LY75: variants seen among roughly 807,000 people sequenced by gnomAD.
LY75 encodes the protein C-type lectin domain family 13 member B.
LY75 carries 185 observed loss-of-function variants against 231.7 expected under a neutral mutation model. The ratio of observed to expected loss-of-function variants is 0.80; its 90% CI spans 0.71 to 0.90. LY75 has a LOEUF of 0.90. Among genes scored for constraint, LY75 ranks in the 40% least tolerant of loss-of-function variants. LY75 has a pLI of 0.00. For missense variants in LY75, 1,947 were observed against 2,050.2 expected (o/e 0.95, Z 0.97); for synonymous variants, 668 against 689.0 (o/e 0.97, Z 0.48).
chr2:159,886,548 T>C lies in LY75; in HGVS notation c.803-18A>G, dbSNP rs531540797. On this transcript the variant is annotated intron_variant, in intron 4 of 34. Transcript: ENST00000263636. The stretch of plus-strand genomic sequence containing the variant: ...TTCTTTTTCTGTAAGAATTAAAAAA[T>C]TTTTAAAAAGTGACAAAGTTGCCTA... The C allele has an allele frequency of 1.2e-5, 19 of 1,574,268 alleles. No individual in the cohort carries two copies. The African/African-American group carries it at 1.5e-4, about 12-fold the overall frequency.
At chr2:159,885,947 A>G (rs1175287664) in intron 5 of LY75, among the ~76,000 whole-genome samples, 2 of 152,172 alleles carry the variant, frequency 1.3e-5, no homozygotes, top group African/African-American at 4.8e-5. Context: ...TTTATTCCCT[A>G]AAAGACTTTC....
chr2:159,848,105 TACAC>T (rs1412333259), intron 23 of LY75, among the ~76,000 whole-genome samples: 3 of 133,312 alleles, frequency 2.3e-5, no homozygotes, highest in Admixed American at 1.6e-4. Flanking sequence ...CACACACACA[TACAC>T]ACACCATATA....
chr2:159,810,560 A>C lies in LY75; in HGVS notation c.4665T>G (p.Ser1555Arg). ...AACACAATTTTTTGGCCTCTGAAAAACTGTGCAATGCCTGATCAGACTTGT... is the reference window on the plus strand; with the variant it reads ...AACACAATTTTTTGGCCTCTGAAAACCTGTGCAATGCCTGATCAGACTTGT... ...HCYKSDQALH[S>R]FSEAKKLCSK... Residue 1555 changes from serine (S) to arginine (R), a missense_variant, in exon 32 of 35, where the codon AGT becomes AGG. Coordinates refer to ENST00000263636, the MANE Select transcript of LY75 (RefSeq NM_002349.4). 1 of 1,613,712 alleles carries C rather than the reference A, an allele frequency of 6.2e-7. No individual in the cohort carries two copies. The highest frequency in any genetic ancestry group is 8.5e-7 in the Non-Finnish European group (1 of 1,179,872).
In LY75 at chr2:159,804,810, C is replaced by A; in HGVS notation, c.*234G>T. 2.9e-6 allele frequency: 1 copy of A among 347,392 alleles called. No individual in the cohort carries two copies. Among genetic ancestry groups the A allele is most frequent in the Non-Finnish European group, 5.4e-6 (1 of 185,510 alleles). The allele number at this position is 347,392 out of a possible 1,614,324, so 21.5% of individuals were successfully genotyped here. Reference sequence around the variant, plus strand: ...AACATTAAACATATTACTGTACAAACAATTTGGACTTCAGTTCCAGCTTTG... The same window carrying A: ...AACATTAAACATATTACTGTACAAAAAATTTGGACTTCAGTTCCAGCTTTG... On this transcript the variant is annotated 3_prime_UTR_variant, in exon 35 of 35. Coordinates refer to ENST00000263636, the MANE Select transcript of LY75 (RefSeq NM_002349.4).
intron 14 of LY75, among the ~76,000 whole-genome samples, chr2:159,862,668 ATTTAT>A (rs148892921): frequency 0.4 from 61,256 of 151,460 alleles, 13,002 homozygotes; most frequent in South Asian, 0.67. Context: ...ACGTGAATGT[ATTTAT>A]TTTATTTTTT....
At position 159,881,133 on chromosome 2, in the gene LY75, G is replaced by C; in HGVS notation, c.1354C>G (p.Pro452Ala). 6.2e-7 allele frequency: 1 copy of C among 1,613,784 alleles called. No individual in the cohort carries two copies. Among genetic ancestry groups the C allele is most frequent in the Middle Eastern group, 1.7e-4 (1 of 6,060 alleles). ...VTLTYWDENE[P>A]NVPYNKTPNC... The stretch of plus-strand genomic sequence containing the variant: ...GGCGTCTTATTGTAGGGAACATTTG[G>C]CTCATTCTCATCCCAATATGTTAGA... The change falls in exon 8 of 35, where the codon CCA becomes GCA. Residue 452 changes from proline to alanine, a missense_variant. Transcript: ENST00000263636.
intron 28 of LY75, among the ~76,000 whole-genome samples, chr2:159,823,447 T>C (rs11901223): frequency 0.041 from 6,284 of 152,264 alleles, 405 homozygotes; most frequent in African/African-American, 0.14. Flanking sequence ...TATGGGACTA[T>C]GTGAAAAGAC....
chr2:159,816,791 C>T lies in LY75; in HGVS notation c.4380+15G>A, dbSNP rs775098238. On this transcript the variant is annotated intron_variant, in intron 30 of 34. Coordinates refer to ENST00000263636, the MANE Select transcript of LY75 (RefSeq NM_002349.4). Reference sequence around the variant, plus strand: ...ACACATTTGAAAAGTTTCTGGAAAACGAAGCAAGACTTACATCATGACTTG... The same window carrying T: ...ACACATTTGAAAAGTTTCTGGAAAATGAAGCAAGACTTACATCATGACTTG... 8.0e-5 allele frequency: 128 copies of T among 1,606,350 alleles called. No homozygotes were observed. The highest frequency in any genetic ancestry group is 5.1e-4 in the Admixed American group (30 of 58,676).
chr2:159,851,662 G>A (rs1684405166), intron 21 of LY75, among the ~76,000 whole-genome samples: 1 of 152,046 alleles, frequency 6.6e-6, no homozygotes, highest in South Asian at 2.1e-4. Context: ...ATACCAACAT[G>A]GATTATGCAT....
chr2:159,817,165 AT>A, intron 29 of LY75, 133 bp from the exon 30 acceptor site: 1 of 971,242 alleles, frequency 1.0e-6, no homozygotes, highest in Non-Finnish European at 1.4e-6. Flanking sequence ...TCAAATGTAT[AT>A]TTTATTTTTC....
In LY75 at chr2:159,810,511, C is replaced by A; in HGVS notation, c.4699+15G>T. ...AATTATTGAGTCATAAGAAAATCAACAAATTTTAACTCACCATGTTTTGAA... is the reference window on the plus strand; with the variant it reads ...AATTATTGAGTCATAAGAAAATCAAAAAATTTTAACTCACCATGTTTTGAA... On this transcript the variant is annotated intron_variant, in intron 32 of 34. Coordinates refer to ENST00000263636, the MANE Select transcript of LY75 (RefSeq NM_002349.4). 1 of 1,602,184 alleles carries A rather than the reference C, an allele frequency of 6.2e-7. No homozygotes were observed.
At position 159,805,084 on chromosome 2, in the gene LY75, A is replaced by T; in HGVS notation, c.5129T>A (p.Val1710Glu). 1 of 1,614,054 alleles carries T rather than the reference A, an allele frequency of 6.2e-7. No individual in the cohort carries two copies. The highest frequency in any genetic ancestry group is 8.5e-7 in the Non-Finnish European group (1 of 1,179,962). Residue 1710 changes from valine (V) to glutamate (E), a missense_variant, in exon 35 of 35, where the codon GTG becomes GAG. Physicochemically the swap from Val to Glu is moderately radical, Grantham distance 121 (BLOSUM62 -2). Transcript: ENST00000263636. ...AGGAAGCATAATCTCATCTTCATTC[A>T]CTCCTTGTGCATATCGAACTGATGA... ...GFSSVRYAQG[V>E]NEDEIMLPSF...
chr2:159,810,738 T>G, intron 31 of LY75, 63 bp from the exon 32 acceptor site: 1 of 1,587,572 alleles, frequency 6.3e-7, no homozygotes, highest in Admixed American at 1.8e-5. Context: ...TTTCAAAATC[T>G]ACTTCAATGT....
At chr2:159,880,558 G>C (rs980403826) in intron 8 of LY75, among the ~76,000 whole-genome samples, 1 of 152,212 alleles carries the variant, frequency 6.6e-6, no homozygotes, top group Non-Finnish European at 1.5e-5. Flanking sequence ...GGGATTCTCT[G>C]TATCTGTTTG....
intron 3 of LY75, among the ~76,000 whole-genome samples, chr2:159,891,812 C>G (rs931569188): frequency 1.3e-5 from 2 of 152,224 alleles, no homozygotes; most frequent in Non-Finnish European, 2.9e-5. Context: ...TTTCACTGAT[C>G]TGGGCCTTCT....
intron 25 of LY75, among the ~76,000 whole-genome samples, chr2:159,836,429 C>T (rs557512010): frequency 1.3e-5 from 2 of 152,232 alleles, no homozygotes; most frequent in South Asian, 4.1e-4. Flanking sequence ...TGCCTTTACA[C>T]CCTGCCAAGG....
intron 14 of LY75, among the ~76,000 whole-genome samples, chr2:159,864,355 G>A (rs749050433): frequency 6.6e-6 from 1 of 152,074 alleles, no homozygotes; most frequent in Non-Finnish European, 1.5e-5. Flanking sequence ...TTTTCTCCTA[G>A]TAGTTTCATA....
intron 28 of LY75, 141 bp downstream of exon 28, chr2:159,831,529 G>A (rs1041114422): frequency 1.1e-6 from 1 of 871,688 alleles, no homozygotes; most frequent in Non-Finnish European, 1.8e-6. Context: ...AAACTGTCTT[G>A]GTATTTATGT....
chr2:159,853,783 C>A, intron 18 of LY75, 86 bp from the exon 19 acceptor site: 1 of 1,553,376 alleles, frequency 6.4e-7, no homozygotes, highest in Non-Finnish European at 8.8e-7. Flanking sequence ...ACTATAATCA[C>A]TAACCACTAA....
Sources: allele counts gnomAD v4.1 joint callset (sites outside exome capture counted in the v4.1 genomes callset), GRCh38; gene constraint gnomAD v4.1.1; transcripts MANE v1.5; gene names NCBI Gene and HGNC (gene_info 2026-07-23, HGNC 2026-07-21).